STIP1: variants seen among roughly 807,000 people sequenced by gnomAD.
The protein encoded by STIP1 is stress induced phosphoprotein 1.
In STIP1, 16 loss-of-function variants were observed where a neutral mutation model predicts 77.4. The observed-to-expected ratio is 0.21, with a 90% CI of 0.14 to 0.31. The LOEUF (loss-of-function observed/expected upper bound fraction) is 0.31. STIP1 is among the 10% of genes least tolerant of loss of function. The pLI is 1.00. For synonymous variants in STIP1, 258 were observed against 246.6 expected (o/e 1.05, Z -0.44); for missense variants, 524 against 684.8 (o/e 0.77, Z 2.62).
chr11:64,186,027 G>A (rs1946009763), upstream of STIP1: 3 of 1,545,722 alleles, frequency 1.9e-6, no homozygotes, highest in Admixed American at 5.9e-5. Flanking sequence ...GCAGGGTTGA[G>A]GGAATTACTC....
At chr11:64,203,739 T>C (rs1946248221) in intron 13 of STIP1, 117 bp downstream of exon 13, 17 of 1,380,562 alleles carry the variant, frequency 1.2e-5, no homozygotes, top group Non-Finnish European at 1.7e-5. Flanking sequence ...TCTGTCATTC[T>C]TCCTAAACTT....
chr11:64,197,289 C>G lies in STIP1; in HGVS notation c.691C>G (p.Leu231Val). 1 of 1,614,056 alleles carries G rather than the reference C, an allele frequency of 6.2e-7. No individual in the cohort carries two copies. Among genetic ancestry groups the G allele is most frequent in the Non-Finnish European group, 8.5e-7 (1 of 1,180,022 alleles). Residue 231 changes from leucine (L) to valine (V), a missense_variant, in exon 6 of 14, where the codon CTG becomes GTG. Coordinates refer to ENST00000305218, the MANE Select transcript of STIP1 (RefSeq NM_006819.3). The stretch of plus-strand genomic sequence containing the variant: ...CATCTAGGCACTGAAAGAAAAAGAG[C>G]TGGGGAACGATGCCTACAAGAAGAA... ...NKKQALKEKE[L>V]GNDAYKKKDF...
intron 1 of STIP1, among the ~76,000 whole-genome samples, chr11:64,192,837 C>T (rs555094993): frequency 3.7e-4 from 56 of 152,332 alleles, no homozygotes; most frequent in Non-Finnish European, 3.1e-4. Context: ...GCAGAGCCCT[C>T]GTTCGTCACA....
At chr11:64,196,586 C>T (rs1054326807) in intron 5 of STIP1, among the ~76,000 whole-genome samples, 4 of 152,050 alleles carry the variant, frequency 2.6e-5, no homozygotes, top group Non-Finnish European at 5.9e-5. Flanking sequence ...GAATGTTGTC[C>T]ACATCAATCC....
chr11:64,203,905 G>A (rs1396044748), intron 13 of STIP1, 149 bp from the exon 14 acceptor site: 2 of 942,746 alleles, frequency 2.1e-6, no homozygotes, highest in African/African-American at 1.6e-5. Flanking sequence ...GCGAAGTGGA[G>A]CAGGCCTCTG....
rs1946261224 is a variant in STIP1, at chr11:64,204,409, T to G, written c.*283T>G. On this transcript the variant is annotated 3_prime_UTR_variant, in exon 14 of 14. Coordinates refer to ENST00000305218, the MANE Select transcript of STIP1 (RefSeq NM_006819.3). ...GTCTCGGCTGCTCTCCCATAGTTGG[T>G]TTTTTTTTTATTTGGGGCAGTGGGC... The G allele has an allele frequency of 8.4e-6, 3 of 358,854 alleles. No individual in the cohort carries two copies. Among genetic ancestry groups the G allele is most frequent in the South Asian group, 1.2e-4 (2 of 17,154 alleles). The allele number at this position is 358,854 out of a possible 1,614,324, so 22.2% of individuals were successfully genotyped here.
intron 10 of STIP1, among the ~76,000 whole-genome samples, chr11:64,201,567 G>T (rs748902188): frequency 6.6e-6 from 1 of 152,220 alleles, no homozygotes; most frequent in Admixed American, 6.5e-5. Flanking sequence ...AACCTGGACC[G>T]TATTGTGGGA....
intron 4 of STIP1, among the ~76,000 whole-genome samples, chr11:64,194,905 C>G (rs1022044409): frequency 1.2e-4 from 18 of 152,086 alleles, no homozygotes; most frequent in African/African-American, 4.1e-4. Flanking sequence ...TACTTAGGCC[C>G]TACTTTCTCT....
rs898029240 is a variant in STIP1 at position 64,192,496 on chromosome 11, TTATC to T, written c.10-577_10-574del. 4.3e-4 allele frequency among the ~76,000 whole-genome samples: 65 copies of T among 152,260 alleles called. 1 individual carries two copies. Among genetic ancestry groups the T allele is most frequent in the African/African-American group, 1.3e-3 (56 of 41,534 alleles). ...TTGACTGTTACCCATTAATGAACAT[TTATC>T]TATCCTGTGGTGACATGTTGCCACA... On this transcript the variant is annotated intron_variant, in intron 1 of 13. Coordinates refer to ENST00000305218, the MANE Select transcript of STIP1 (RefSeq NM_006819.3).
At chr11:64,203,865 G>T in intron 13 of STIP1, 189 bp from the exon 14 acceptor site, 1 of 790,110 alleles carries the variant, frequency 1.3e-6, no homozygotes, top group Non-Finnish European at 2.0e-6. Flanking sequence ...AAGCTGTGTC[G>T]TGGGCTCAAG....
intron 5 of STIP1, 124 bp downstream of exon 5, chr11:64,195,937 T>A: frequency 7.2e-7 from 1 of 1,385,232 alleles, no homozygotes; most frequent in East Asian, 2.3e-5. Flanking sequence ...AGACGGAGTC[T>A]TGCTGTGTTT....
chr11:64,196,247 T>G (rs1167932649), intron 5 of STIP1, among the ~76,000 whole-genome samples: 2 of 151,222 alleles, frequency 1.3e-5, no homozygotes, highest in Non-Finnish European at 3.0e-5. Context: ...AACACAAAAA[T>G]TAGCCAGGTG....
rs893905196 is a variant in STIP1 at position 64,186,209 on chromosome 11, G to A, written c.-53G>A. 8.3e-5 allele frequency: 129 copies of A among 1,550,976 alleles called. No individual in the cohort carries two copies. In the South Asian group the frequency reaches 1.4e-3, roughly 17 times the overall value. On this transcript the variant is annotated 5_prime_UTR_variant, in exon 1 of 14. Coordinates refer to ENST00000305218, the MANE Select transcript of STIP1 (RefSeq NM_006819.3). ...TTCCAGAAGGCGGCGCGTGCGGTTG[G>A]GAACGCGGAGCGGACGGATTCGATT...
chr11:64,188,037 C>CA (rs34070761), intron 1 of STIP1, among the ~76,000 whole-genome samples: 5,531 of 71,672 alleles, frequency 0.077, 360 homozygotes, highest in African/African-American at 0.21. Flanking sequence ...GACTCCGTCT[C>CA]AAAAAAAAAA....
chr11:64,185,684 C>T (rs565791495), upstream of STIP1: 8 of 1,201,108 alleles, frequency 6.7e-6, no homozygotes, highest in South Asian at 6.1e-5. Context: ...CTACAGACCC[C>T]GACTGCAGCC....
At chr11:64,187,724 C>T (rs559952568) in intron 1 of STIP1, among the ~76,000 whole-genome samples, 2 of 152,228 alleles carry the variant, frequency 1.3e-5, no homozygotes, top group East Asian at 1.9e-4. Flanking sequence ...GATCTGGGGC[C>T]GGGCACCGTG....
chr11:64,195,865 CT>C (rs1946144346), intron 5 of STIP1, 52 bp downstream of exon 5: 1 of 1,609,180 alleles, frequency 6.2e-7, no homozygotes, highest in Non-Finnish European at 8.5e-7. Flanking sequence ...AACTAGAAAT[CT>C]TTATGTTGAA....
rs374300917 is a variant in STIP1, at chr11:64,200,041, T to C, written c.1120+5T>C. On this transcript the variant is annotated splice_donor_5th_base_variant and intron_variant, in intron 9 of 13. Transcript: ENST00000305218. ...GCAACGAGTGTTTTCAGAAAGGTAC[T>C]GCCTGCAGCTGGGGGATTGGGGGAG... The C allele has an allele frequency of 7.6e-4, 1,228 of 1,614,230 alleles. 6 individuals are homozygous for C. The highest frequency in any genetic ancestry group is 2.1e-3 in the South Asian group (188 of 91,090).
intron 1 of STIP1, 125 bp downstream of exon 1, chr11:64,186,395 G>T (rs1431923923): frequency 3.7e-5 from 41 of 1,098,458 alleles, no homozygotes; most frequent in Non-Finnish European, 4.8e-5. Flanking sequence ...GGGCCGGACG[G>T]GGCGGCGGCG....
Sources: gnomAD v4.1 joint callset for allele counts (sites outside exome capture counted in the v4.1 genomes callset) on GRCh38, gnomAD v4.1.1 for gene constraint, MANE v1.5 for transcripts, NCBI Gene and HGNC (gene_info 2026-07-23, HGNC 2026-07-21) for gene names.